Variants in TRIM36 observed in about 807,000 individuals in gnomAD.
TRIM36 encodes E3 ubiquitin-protein ligase TRIM36.
Under a neutral mutation model 72.4 loss-of-function variants are expected in TRIM36, and 42 were observed. The ratio of observed to expected loss-of-function variants is 0.58; its 90% CI spans 0.45 to 0.75. The LOEUF (loss-of-function observed/expected upper bound fraction) is 0.75, where lower values mean the gene tolerates loss of function less well. TRIM36 is among the 30% of genes least tolerant of loss of function. The pLI is 0.00. For missense variants in TRIM36, 913 were observed against 857.1 expected, an observed-to-expected ratio of 1.07 and a Z score of -0.81; for synonymous variants, 315 against 282.8, an observed-to-expected ratio of 1.11 and a Z score of -1.14.
intron 1 of TRIM36, 66 bp from the exon 2 acceptor site, chr5:115,163,818 C>T: frequency 1.7e-6 from 2 of 1,162,620 alleles, no homozygotes; most frequent in Non-Finnish European, 2.5e-6. Context: ...TCTTATACCT[C>T]CTGAATAAGT....
chr5:115,131,131 T>G (rs962756019), intron 8 of TRIM36, among the ~76,000 whole-genome samples: 13 of 152,204 alleles, frequency 8.5e-5, no homozygotes, highest in African/African-American at 3.1e-4. Context: ...TAAATATATG[T>G]GAAAATTTAT....
intron 2 of TRIM36, among the ~76,000 whole-genome samples, chr5:115,148,158 T>A (rs966906849): frequency 7.2e-5 from 11 of 152,334 alleles, no homozygotes; most frequent in African/African-American, 2.2e-4. Context: ...TAACTTCTTA[T>A]GACCTGAAAC....
In TRIM36 at chr5:115,147,325, T is replaced by C; in HGVS notation, c.332A>G (p.Asp111Gly). Reference sequence around the variant, plus strand: ...ACCATTGATTCCTCGTTCTCCAAGATCCACATCATGCTCACAGCCAGGGCA... The same window carrying C: ...ACCATTGATTCCTCGTTCTCCAAGACCCACATCATGCTCACAGCCAGGGCA... ...FPCPGCEHDV[D>G]LGERGINGLF... The change falls in exon 3 of 10, where the codon GAT becomes GGT. Residue 111 changes from aspartate (D) to glycine (G), a missense_variant. Coordinates refer to ENST00000513154, the MANE Select transcript of TRIM36 (RefSeq NM_001300759.2). 1 of 1,614,156 alleles carries C rather than the reference T, an allele frequency of 6.2e-7. No individual in the cohort carries two copies. Among genetic ancestry groups the C allele is most frequent in the Non-Finnish European group, 8.5e-7 (1 of 1,180,026 alleles).
In TRIM36 at chr5:115,133,861, T is replaced by C; in HGVS notation, c.1497A>G (p.Pro499=). The C allele has an allele frequency of 1.9e-6, 3 of 1,581,562 alleles. No homozygotes were observed. Among genetic ancestry groups the C allele is most frequent in the Non-Finnish European group, 2.6e-6 (3 of 1,166,162 alleles). ...RELILHTPPA[P]VFSFLFDEKC... The stretch of plus-strand genomic sequence containing the variant: ...TTTTATTCCTGATATTCACCATACC[T>C]GGAGCTGGAGGAGTATGAAGAATCA... Residue 499 remains proline (P), a splice_region_variant and synonymous_variant, in exon 8 of 10, where the codon CCA becomes CCG. Coordinates refer to ENST00000513154, the MANE Select transcript of TRIM36 (RefSeq NM_001300759.2).
At position 115,161,254 on chromosome 5, in the gene TRIM36, A is replaced by G. The variant is rs536994311; in HGVS notation, c.262+2264T>C. Among the ~76,000 whole-genome samples the G allele has an allele frequency of 3.3e-5, 5 of 152,286 alleles. No individual in the cohort carries two copies. The East Asian group carries it at 5.8e-4, about 18-fold the overall frequency. On this transcript the variant is annotated intron_variant, in intron 2 of 9. Transcript: ENST00000513154. Reference sequence around the variant, plus strand: ...GCTCATTGTTCTTAACCATTTAGCCATATCTGGTAACCAGCAGGTGCTCAA... The same window carrying G: ...GCTCATTGTTCTTAACCATTTAGCCGTATCTGGTAACCAGCAGGTGCTCAA...
intron 2 of TRIM36, chr5:115,149,598 TTC>T (rs1753776627): frequency 2.1e-5 from 1 of 47,250 alleles, no homozygotes; most frequent in Admixed American, 2.7e-4. Context: ...AAAAAAAAAG[TTC>T]ATCCCTTTTC....
At chr5:115,171,262 T>C (rs778236920), upstream of TRIM36, 9 of 1,611,194 alleles carry the variant, frequency 5.6e-6, no homozygotes, top group Admixed American at 1.7e-5. Context: ...TGAGGGACTA[T>C]AGCAATTTTC....
At chr5:115,143,223 A>G (rs796182431) in intron 4 of TRIM36, among the ~76,000 whole-genome samples, 30 of 11,564 alleles carry the variant, frequency 2.6e-3, no homozygotes, top group African/African-American at 0.015. Flanking sequence ...CCAGCCAGAC[A>G]AAAAAAAAAA....
chr5:115,150,613 C>A (rs1753837611), intron 2 of TRIM36, among the ~76,000 whole-genome samples: 2 of 152,168 alleles, frequency 1.3e-5, no homozygotes, highest in Non-Finnish European at 2.9e-5. Context: ...AAATTTTGCT[C>A]CAGAACGACT....
chr5:115,161,546 T>C (rs1754482156), intron 2 of TRIM36, among the ~76,000 whole-genome samples: 1 of 152,196 alleles, frequency 6.6e-6, no homozygotes, highest in South Asian at 2.1e-4. Context: ...TGTTAAATAA[T>C]CTGAATTGAA....
chr5:115,159,781 T>C lies in TRIM36; in HGVS notation c.262+3737A>G, dbSNP rs555050630. On this transcript the variant is annotated intron_variant, in intron 2 of 9. Coordinates refer to ENST00000513154, the MANE Select transcript of TRIM36 (RefSeq NM_001300759.2). ...CTGTGTCCTGAAAATAATACAATTA[T>C]TGAATTAACAGTAAAAATGTGTTTT... is the stretch of plus-strand genomic sequence containing the variant. The C allele has an allele frequency of 5.0e-6, 2 of 403,800 alleles. 1 individual carries two copies. Among genetic ancestry groups the C allele is most frequent in the South Asian group, 3.6e-5 (2 of 55,316 alleles). The allele number at this position is 403,800 out of a possible 1,614,324, so 25.0% of individuals were successfully genotyped here.
At chr5:115,130,937 T>A in intron 8 of TRIM36, 48 bp from the exon 9 acceptor site, 2 of 1,547,188 alleles carry the variant, frequency 1.3e-6, no homozygotes, top group Non-Finnish European at 8.7e-7. Context: ...ATCATTGCTC[T>A]AGTTTGTTAA....
intron 1 of TRIM36, among the ~76,000 whole-genome samples, chr5:115,176,111 G>T (rs1299598914): frequency 6.6e-6 from 1 of 152,020 alleles, no homozygotes; most frequent in East Asian, 1.9e-4. Flanking sequence ...GGGCAACAGA[G>T]TAAAACTGTG....
intron 1 of TRIM36, among the ~76,000 whole-genome samples, chr5:115,164,564 T>A (rs1266417703): frequency 6.6e-6 from 1 of 152,090 alleles, no homozygotes; most frequent in Non-Finnish European, 1.5e-5. Context: ...AACCATCAGA[T>A]CTTATGAGAA....
chr5:115,126,438 G>C lies in TRIM36; in HGVS notation c.*65C>G. 7.7e-7 allele frequency: 1 copy of C among 1,302,218 alleles called. No homozygotes were observed. Among genetic ancestry groups the C allele is most frequent in the Non-Finnish European group, 1.1e-6 (1 of 946,012 alleles). 80.7% of individuals were successfully genotyped at this position (1,302,218 alleles called of 1,614,324 possible). On this transcript the variant is annotated 3_prime_UTR_variant, in exon 10 of 10. Coordinates refer to ENST00000513154, the MANE Select transcript of TRIM36 (RefSeq NM_001300759.2). Reference sequence around the variant, plus strand: ...CACTCAGCGATATGTAATTAGTTACGAAGGTTAACGCTAAGGCATTGCTTT... The same window carrying C: ...CACTCAGCGATATGTAATTAGTTACCAAGGTTAACGCTAAGGCATTGCTTT...
At chr5:115,159,819 T>C (rs1264032952) in intron 2 of TRIM36, 2 of 370,806 alleles carry the variant, frequency 5.4e-6, no homozygotes, top group African/African-American at 4.3e-5. Context: ...CTGGTACACA[T>C]AGTATTTATG....
chr5:115,179,856 TG>T, intron 1 of TRIM36: 1 of 974,266 alleles, frequency 1.0e-6, no homozygotes, highest in Non-Finnish European at 1.5e-6. Flanking sequence ...GCGCGGCTCC[TG>T]GATTCCAGCC....
intron 2 of TRIM36, among the ~76,000 whole-genome samples, chr5:115,154,176 C>T (rs1048026653): frequency 6.9e-6 from 1 of 145,792 alleles, no homozygotes; most frequent in African/African-American, 2.5e-5. Flanking sequence ...CTCTGGAACA[C>T]AGCAAAGGCA....
At chr5:115,150,705 A>G (rs1021130422) in intron 2 of TRIM36, among the ~76,000 whole-genome samples, 1 of 152,192 alleles carries the variant, frequency 6.6e-6, no homozygotes, top group African/African-American at 2.4e-5. Context: ...GACACGCTAA[A>G]TACTGCGAGG....
Sources: allele counts gnomAD v4.1 joint callset (sites outside exome capture counted in the v4.1 genomes callset), GRCh38; gene constraint gnomAD v4.1.1; transcripts MANE v1.5; gene names NCBI Gene and HGNC (gene_info 2026-07-23, HGNC 2026-07-21).